CCNG2: variants seen among roughly 807,000 people sequenced by gnomAD.
The protein encoded by CCNG2 is cyclin-G2.
CCNG2 carries 20 observed loss-of-function variants against 36.5 expected under a neutral mutation model. The observed-to-expected ratio is 0.55, with a 90% confidence interval of 0.39 to 0.80. CCNG2 has a LOEUF of 0.80. CCNG2 is among the 30% of genes least tolerant of loss of function. The probability of loss-of-function intolerance (pLI) is 0.00; values close to 1 mark genes in which losing one functional copy is unlikely to be tolerated. For synonymous variants in CCNG2, 155 were observed against 140.1 expected, an observed-to-expected ratio of 1.11 and a Z score of -0.75; for missense variants, 358 against 390.8, an observed-to-expected ratio of 0.92 and a Z score of 0.71.
At chr4:77,158,426 G>A (rs1731333194) in intron 1 of CCNG2, 107 bp from the exon 2 acceptor site, 2 of 1,082,080 alleles carry the variant, frequency 1.8e-6, no homozygotes, top group Admixed American at 1.9e-5. Context: ...CCTTGTCGGG[G>A]TGTGCTGGGG....
At chr4:77,158,466 C>A in intron 1 of CCNG2, 67 bp from the exon 2 acceptor site, 1 of 1,544,196 alleles carries the variant, frequency 6.5e-7, no homozygotes. Context: ...TGGCCTCAGC[C>A]CTTTCTCCCG....
intron 6 of CCNG2, 143 bp downstream of exon 6, chr4:77,161,890 CT>C: frequency 3.3e-6 from 2 of 607,530 alleles, no homozygotes; most frequent in Non-Finnish European, 5.7e-6. Context: ...TGTTAAAGTT[CT>C]CAAAATGCAG....
chr4:77,163,296 C>T (rs1372435788), intron 6 of CCNG2, among the ~76,000 whole-genome samples: 1 of 151,950 alleles, frequency 6.6e-6, no homozygotes, highest in Non-Finnish European at 1.5e-5. Flanking sequence ...CACTGTCAGA[C>T]TGGAAGGAGG....
At chr4:77,157,581 A>T (rs1219467492) in intron 1 of CCNG2, 75 bp downstream of exon 1, 1 of 152,500 alleles carries the variant, frequency 6.6e-6, no homozygotes, top group East Asian at 1.9e-4. Flanking sequence ...GGAGGTTGGT[A>T]CCATGCGAGT....
Position 77,158,350 on chromosome 4 carries a change from A to T in CCNG2, c.1-183A>T. 5.1e-6 allele frequency: 3 copies of T among 589,198 alleles called. No homozygotes were observed. The South Asian group carries it at 6.3e-5, about 12-fold the overall frequency. 36.5% of individuals were successfully genotyped at this position (589,198 alleles called of 1,614,324 possible). A position where few individuals can be genotyped will look rare whatever the true frequency, so the allele number is the denominator to read the frequency against. On this transcript the variant is annotated intron_variant, in intron 1 of 7. Transcript: ENST00000316355. ...TGACCACGGCTCCTCCCCCTGCCAC[A>T]CCTCCCTGGCCGTGGTGGGGATTGC...
In CCNG2 at chr4:77,169,574, G is replaced by C. The variant is rs1416645934; in HGVS notation, c.*3650G>C. 3.9e-5 allele frequency: 6 copies of C among 152,226 alleles called. No homozygotes were observed. The highest frequency in any genetic ancestry group is 3.3e-4 in the Admixed American group (5 of 15,282). 9.4% of individuals were successfully genotyped at this position (152,226 alleles called of 1,614,324 possible). On this transcript the variant is annotated 3_prime_UTR_variant, in exon 8 of 8. Transcript: ENST00000316355. ...ACTGAAGTGCAGCAGAAGAAATTTA[G>C]TATATGTCCAAGCCTAGGCTTTAAG...
At chr4:77,161,054 A>AT (rs1238956353) in intron 4 of CCNG2, 83 bp downstream of exon 4, 11 of 853,984 alleles carry the variant, frequency 1.3e-5, no homozygotes, top group Non-Finnish European at 1.9e-5. Context: ...TGAAATTTAT[A>AT]TTTTTACCTT....
chr4:77,160,443 C>T (rs893651013), intron 3 of CCNG2, among the ~76,000 whole-genome samples: 1 of 148,328 alleles, frequency 6.7e-6, no homozygotes, highest in Non-Finnish European at 1.5e-5. Context: ...TGTTCTCAAA[C>T]TCCTGGCCTC....
chr4:77,164,221 G>A, intron 6 of CCNG2, 53 bp from the exon 7 acceptor site: 1 of 1,348,204 alleles, frequency 7.4e-7, no homozygotes, highest in Admixed American at 1.7e-5. Flanking sequence ...ATTCCAAGGT[G>A]CAGCAAGATT....
rs1731434360 is a variant in CCNG2 at position 77,161,470 on chromosome 4, C to T, written c.528-10C>T. ...AAGTTTAATAAATCTTTGTTCTTTGCATTGTATAGGAAAGAAATACTGAGC... is the reference window on the plus strand; with the variant it reads ...AAGTTTAATAAATCTTTGTTCTTTGTATTGTATAGGAAAGAAATACTGAGC... On this transcript the variant is annotated splice_polypyrimidine_tract_variant and intron_variant, in intron 4 of 7. Coordinates refer to ENST00000316355, the MANE Select transcript of CCNG2 (RefSeq NM_004354.3). The T allele has an allele frequency of 2.6e-6, 4 of 1,550,590 alleles. No homozygotes were observed. Among genetic ancestry groups the T allele is most frequent in the Non-Finnish European group, 3.5e-6 (4 of 1,142,062 alleles).
At position 77,158,243 on chromosome 4, in the gene CCNG2, C is replaced by T. The variant is rs1208006989; in HGVS notation, c.1-290C>T. ...CAGGTGGGGCAGACCGAGGGGACGC[C>T]GGCGCCCGCGGACAGTTTCCTGTTT... On this transcript the variant is annotated intron_variant, in intron 1 of 7. Transcript: ENST00000316355. 1.0e-5 allele frequency: 4 copies of T among 395,134 alleles called. No homozygotes were observed. The East Asian group carries it at 1.4e-4, about 14-fold the overall frequency. The allele number at this position is 395,134 out of a possible 1,614,324, so 24.5% of individuals were successfully genotyped here. A position where few individuals can be genotyped will look rare whatever the true frequency, so the allele number is the denominator to read the frequency against.
intron 6 of CCNG2, among the ~76,000 whole-genome samples, chr4:77,162,994 A>G (rs752203469): frequency 6.6e-6 from 1 of 152,122 alleles, no homozygotes; most frequent in Non-Finnish European, 1.5e-5. Context: ...TAATATTAGC[A>G]TAATTGGCAG....
In CCNG2 at chr4:77,168,485, A is replaced by G. The variant is rs1395869897; in HGVS notation, c.*2561A>G. On this transcript the variant is annotated 3_prime_UTR_variant, in exon 8 of 8. Transcript: ENST00000316355. ...GCACAATCAGGAGAAAAATCTATTC[A>G]TGACATACAAGTCTCTGTCTAATCT... is the stretch of plus-strand genomic sequence containing the variant. 1.3e-5 allele frequency: 2 copies of G among 152,206 alleles called. No homozygotes were observed. The highest frequency in any genetic ancestry group is 4.8e-5 in the African/African-American group (2 of 41,450). 9.4% of individuals were successfully genotyped at this position (152,206 alleles called of 1,614,324 possible). A position where few individuals can be genotyped will look rare whatever the true frequency, so the allele number is the denominator to read the frequency against.
intron 6 of CCNG2, among the ~76,000 whole-genome samples, chr4:77,162,481 C>G (rs968756146): frequency 1.9e-4 from 27 of 143,172 alleles, no homozygotes; most frequent in African/African-American, 6.7e-4. Context: ...CTCTCGGGTT[C>G]AAGTGATTCT....
At position 77,161,629 on chromosome 4, in the gene CCNG2, T is replaced by C; in HGVS notation, c.607-20T>C. 6.4e-7 allele frequency: 1 copy of C among 1,572,690 alleles called. No individual in the cohort carries two copies. Among genetic ancestry groups the C allele is most frequent in the East Asian group, 2.2e-5 (1 of 44,508 alleles). ...TGAATTTTTAAAAAATATTTTTCTTTTTTTTCTTTTTTCTTACAGCCATCT... is the reference window on the plus strand; with the variant it reads ...TGAATTTTTAAAAAATATTTTTCTTCTTTTTCTTTTTTCTTACAGCCATCT... On this transcript the variant is annotated intron_variant, in intron 5 of 7. Transcript: ENST00000316355.
chr4:77,159,162 A>T (rs1731356151), intron 2 of CCNG2, among the ~76,000 whole-genome samples: 1 of 152,258 alleles, frequency 6.6e-6, no homozygotes, highest in African/African-American at 2.4e-5. Flanking sequence ...CGTATTTTTA[A>T]GAAGCAGTGA....
chr4:77,161,631 T>A lies in CCNG2; in HGVS notation c.607-18T>A. 1 of 1,575,094 alleles carries A rather than the reference T, an allele frequency of 6.3e-7. No homozygotes were observed. The highest frequency in any genetic ancestry group is 8.6e-7 in the Non-Finnish European group (1 of 1,162,110). The stretch of plus-strand genomic sequence containing the variant: ...AATTTTTAAAAAATATTTTTCTTTT[T>A]TTTCTTTTTTCTTACAGCCATCTGT... On this transcript the variant is annotated intron_variant, in intron 5 of 7. Transcript: ENST00000316355.
chr4:77,158,667 G>C lies in CCNG2; in HGVS notation c.135G>C (p.Pro45=). The part of the protein sequence containing the change: ...EKGLSLIEAT[P]ENDNTLCPGL... Reference sequence around the variant, plus strand: ...GGCTGAGTTTGATTGAGGCTACCCCGGAGGTAAGTTGGCAGAAAAGATAAC... The same window carrying C: ...GGCTGAGTTTGATTGAGGCTACCCCCGAGGTAAGTTGGCAGAAAAGATAAC... The change falls in exon 2 of 8, where the codon CCG becomes CCC. Residue 45 remains proline (P), a synonymous_variant. Coordinates refer to ENST00000316355, the MANE Select transcript of CCNG2 (RefSeq NM_004354.3). The C allele has an allele frequency of 4.3e-6, 7 of 1,614,084 alleles. No individual in the cohort carries two copies. The highest frequency in any genetic ancestry group is 5.9e-6 in the Non-Finnish European group (7 of 1,180,002).
intron 6 of CCNG2, among the ~76,000 whole-genome samples, chr4:77,162,525 G>GGT (rs1446301994): frequency 6.6e-6 from 1 of 151,968 alleles, no homozygotes; most frequent in Non-Finnish European, 1.5e-5. Context: ...TGGGGCTACA[G>GGT]GTGCTCACCA....
Sources: allele counts gnomAD v4.1 joint callset (sites outside exome capture counted in the v4.1 genomes callset), GRCh38; gene constraint gnomAD v4.1.1; transcripts MANE v1.5; gene names NCBI Gene and HGNC (gene_info 2026-07-23, HGNC 2026-07-21).